CDYL: variants seen among roughly 807,000 people sequenced by gnomAD.
The protein encoded by CDYL is chromodomain Y like, also known as chromodomain Y-like protein.
CDYL carries 8 observed loss-of-function variants against 47.3 expected under a neutral mutation model. That is an observed-to-expected ratio of 0.17 (90% CI 0.10 to 0.31). The LOEUF is 0.31. CDYL is among the 10% of genes least tolerant of loss of function. The pLI, the probability that CDYL is intolerant of heterozygous loss-of-function variation, is 1.00. For synonymous variants in CDYL, 266 were observed against 265.0 expected (o/e 1.00, Z -0.04); for missense variants, 471 against 701.4 (o/e 0.67, Z 3.71).
At chr6:4,732,700 A>C (rs1757629236) in intron 2 of CDYL, among the ~76,000 whole-genome samples, 1 of 151,908 alleles carries the variant, frequency 6.6e-6, no homozygotes, top group Non-Finnish European at 1.5e-5. Context: ...GGGAATTCTC[A>C]GTATCCCTTC....
chr6:4,725,700 C>T (rs1582285437), intron 2 of CDYL, among the ~76,000 whole-genome samples: 1 of 152,360 alleles, frequency 6.6e-6, no homozygotes, highest in East Asian at 1.9e-4. Flanking sequence ...CCACACCTTC[C>T]CGCAAGCTGA....
chr6:4,889,481 C>T (rs953699103), intron 1 of CDYL, among the ~76,000 whole-genome samples: 2 of 152,046 alleles, frequency 1.3e-5, no homozygotes, highest in African/African-American at 2.4e-5. Flanking sequence ...CCTTGGCCTC[C>T]CAAAGTGCTG....
upstream of CDYL, among the ~76,000 whole-genome samples, chr6:4,773,951 G>A (rs2127426378): frequency 6.6e-6 from 1 of 152,254 alleles, no homozygotes; most frequent in Middle Eastern, 3.4e-3. The surrounding 1 kb of genome is among the most constrained non-coding windows in gnomAD (Gnocchi z 4.6). Flanking sequence ...TTCCACAATG[G>A]GGAAAATCGC....
At chr6:4,857,081 T>C (rs1761031100) in intron 1 of CDYL, among the ~76,000 whole-genome samples, 1 of 152,208 alleles carries the variant, frequency 6.6e-6, no homozygotes, top group African/African-American at 2.4e-5. Flanking sequence ...AGTGTTATAG[T>C]TTGTGGCCTT....
chr6:4,829,252 T>C (rs1171509678), intron 1 of CDYL, among the ~76,000 whole-genome samples: 1 of 152,206 alleles, frequency 6.6e-6, no homozygotes, highest in Non-Finnish European at 1.5e-5. Context: ...TTGTTGTTGT[T>C]GAAGGCTAGA....
intron 1 of CDYL, chr6:4,890,065 A>C: frequency 2.0e-6 from 2 of 985,444 alleles, no homozygotes; most frequent in Non-Finnish European, 2.4e-6. Context: ...AAACAGAGGA[A>C]AGCAAACGGG....
At chr6:4,889,785 A>G (rs1260323702) in intron 1 of CDYL, among the ~76,000 whole-genome samples, 2 of 152,178 alleles carry the variant, frequency 1.3e-5, no homozygotes, top group African/African-American at 4.8e-5. Flanking sequence ...CTCCTGGTCT[A>G]ATGTGTCCAC....
chr6:4,843,260 A>G (rs543173815), intron 1 of CDYL, among the ~76,000 whole-genome samples: 5 of 151,990 alleles, frequency 3.3e-5, no homozygotes, highest in Admixed American at 6.6e-5. Context: ...CTTTTCCTTC[A>G]TCTTAACTTT....
At chr6:4,748,656 GACACACACACAC>G (rs111349102) in intron 3 of CDYL, among the ~76,000 whole-genome samples, 1 of 146,046 alleles carries the variant, frequency 6.8e-6, no homozygotes, top group South Asian at 2.2e-4. Context: ...TGATGGCAAA[GACACACACACAC>G]ACACACACAC....
intron 3 of CDYL, among the ~76,000 whole-genome samples, chr6:4,937,006 A>G (rs1758215835): frequency 6.6e-6 from 1 of 152,248 alleles, no homozygotes; most frequent in Non-Finnish European, 1.5e-5. Flanking sequence ...CATGGTAGAT[A>G]TCAGTAACTG....
chr6:4,926,925 T>C (rs997598443), intron 2 of CDYL, among the ~76,000 whole-genome samples: 1 of 152,212 alleles, frequency 6.6e-6, no homozygotes, highest in Non-Finnish European at 1.5e-5. Flanking sequence ...TGCAGGGATT[T>C]GAATCCGATT....
intron 1 of CDYL, among the ~76,000 whole-genome samples, chr6:4,806,754 T>C (rs1319426007): frequency 2.0e-5 from 3 of 152,226 alleles, no homozygotes; most frequent in African/African-American, 7.2e-5. Context: ...TTAAGTTCTT[T>C]TGTAAAATGT....
chr6:4,728,234 G>A lies in CDYL; in HGVS notation c.104-6528G>A, dbSNP rs751797805. Among the ~76,000 whole-genome samples the A allele has an allele frequency of 9.8e-5, 15 of 152,298 alleles. No individual in the cohort carries two copies. In the East Asian group the frequency reaches 1.2e-3, roughly 12 times the overall value. ...TAAGCTTGCTTGTGGATGATTAGCC[G>A]TAGGCTGATCCACATCTGAGCCAAT... is the stretch of plus-strand genomic sequence containing the variant. On this transcript the variant is annotated intron_variant, in intron 2 of 8. Transcript: ENST00000328908.
intron 3 of CDYL, among the ~76,000 whole-genome samples, chr6:4,759,479 G>C (rs1202412220): frequency 6.6e-6 from 1 of 152,026 alleles, no homozygotes; most frequent in East Asian, 1.9e-4. Context: ...AATTTGCTTA[G>C]TCCTGATTAT....
At chr6:4,933,165 G>A (rs1758079889) in intron 2 of CDYL, among the ~76,000 whole-genome samples, 1 of 152,218 alleles carries the variant, frequency 6.6e-6, no homozygotes, top group East Asian at 1.9e-4. Context: ...GGCTTCAGCA[G>A]GCTCACTCTC....
intron 2 of CDYL, among the ~76,000 whole-genome samples, chr6:4,897,802 T>A (rs1364045248): frequency 1.3e-5 from 2 of 151,246 alleles, no homozygotes; most frequent in African/African-American, 4.8e-5. Flanking sequence ...TTTTTTTTTT[T>A]AAATTATCCA....
At chr6:4,806,815 A>G (rs113373952) in intron 1 of CDYL, among the ~76,000 whole-genome samples, 202 of 152,350 alleles carry the variant, frequency 1.3e-3, no homozygotes, top group Non-Finnish European at 2.3e-3. Context: ...CCAGAATTCC[A>G]TAGACACAAC....
chr6:4,750,257 C>A (rs1318361684), intron 3 of CDYL, among the ~76,000 whole-genome samples: 1 of 152,098 alleles, frequency 6.6e-6, no homozygotes, highest in East Asian at 1.9e-4. Context: ...GGCTGGAGAG[C>A]AATGGCACGA....
At chr6:4,951,079 A>T (rs1002241258) in intron 5 of CDYL, among the ~76,000 whole-genome samples, 1 of 151,950 alleles carries the variant, frequency 6.6e-6, no homozygotes, top group Non-Finnish European at 1.5e-5. Flanking sequence ...TGCGGGTTTC[A>T]CATGCAGTAA....
Sources: allele counts gnomAD v4.1 joint callset (sites outside exome capture counted in the v4.1 genomes callset), GRCh38; gene constraint gnomAD v4.1.1; non-coding constraint Gnocchi (gnomAD v3.1); transcripts MANE v1.5; gene names NCBI Gene and HGNC (gene_info 2026-07-23, HGNC 2026-07-21).